Variants in CTNNA3 observed in about 807,000 individuals in gnomAD.
The protein encoded by CTNNA3 is catenin alpha-3.
CTNNA3 carries 76 observed loss-of-function variants against 95.7 expected under a neutral mutation model. The observed-to-expected ratio is 0.79, with a 90% CI of 0.66 to 0.96. The LOEUF (loss-of-function observed/expected upper bound fraction) is 0.96, where lower values mean the gene tolerates loss of function less well. Among genes scored for constraint, CTNNA3 ranks in the 40% least tolerant of loss-of-function variants. The pLI is 0.00. For missense variants in CTNNA3, 1,191 were observed against 1,089.8 expected, an observed-to-expected ratio of 1.09 and a Z score of -1.31; for synonymous variants, 431 against 374.4, an observed-to-expected ratio of 1.15 and a Z score of -1.74.
At chr10:66,455,841 A>G (rs1035493138) in intron 11 of CTNNA3, among the ~76,000 whole-genome samples, 4 of 152,158 alleles carry the variant, frequency 2.6e-5, no homozygotes, top group East Asian at 1.9e-4. Context: ...CTAAGCCCCA[A>G]TTTTGGGGCT....
intron 9 of CTNNA3, among the ~76,000 whole-genome samples, chr10:66,762,469 G>A (rs1589226243): frequency 6.6e-6 from 1 of 151,954 alleles, no homozygotes; most frequent in Admixed American, 6.6e-5. Flanking sequence ...AGATTCTCCA[G>A]TTACTGGCAC....
chr10:67,555,729 A>C (rs934082986), intron 3 of CTNNA3, among the ~76,000 whole-genome samples: 11 of 152,118 alleles, frequency 7.2e-5, no homozygotes, highest in Non-Finnish European at 1.5e-5. Flanking sequence ...CTCTTTTCCT[A>C]ATTGAATACC....
chr10:67,066,969 CTTAA>C (rs1263902566), intron 7 of CTNNA3, among the ~76,000 whole-genome samples: 3 of 152,130 alleles, frequency 2.0e-5, no homozygotes, highest in African/African-American at 7.2e-5. Flanking sequence ...AATCCTGTCT[CTTAA>C]TTTAACAGAG....
chr10:66,651,682 G>A (rs191908985), intron 9 of CTNNA3, among the ~76,000 whole-genome samples: 5,285 of 152,216 alleles, frequency 0.035, 144 homozygotes, highest in Non-Finnish European at 0.054. Context: ...GGGACCCAGC[G>A]CACCCTCTGC....
intron 7 of CTNNA3, among the ~76,000 whole-genome samples, chr10:66,822,075 T>C (rs1329282444): frequency 6.7e-6 from 1 of 148,542 alleles, no homozygotes; most frequent in Non-Finnish European, 1.5e-5. Context: ...TTATGTTATA[T>C]AAAATTACAT....
rs373931608 is a variant in CTNNA3, at chr10:67,425,988, T to C, written c.579+95854A>G. The stretch of plus-strand genomic sequence containing the variant: ...GAGAACTAGGGTCACCCTCTGTTTA[T>C]TGCATAGCCCTATGGGGTGTCACAG... On this transcript the variant is annotated intron_variant, in intron 5 of 17. Coordinates refer to ENST00000433211, the MANE Select transcript of CTNNA3 (RefSeq NM_013266.4). Among the ~76,000 whole-genome samples, 18 of 152,230 alleles carry C rather than the reference T, an allele frequency of 1.2e-4. No individual in the cohort carries two copies. In the South Asian group the frequency reaches 3.5e-3, roughly 30 times the overall value.
At chr10:67,223,252 A>G (rs895418159) in intron 5 of CTNNA3, among the ~76,000 whole-genome samples, 2 of 152,254 alleles carry the variant, frequency 1.3e-5, no homozygotes, top group Admixed American at 1.3e-4. Context: ...CAGATAAAAG[A>G]GAAATTAATG....
chr10:66,198,722 A>C (rs1373539588), intron 13 of CTNNA3, among the ~76,000 whole-genome samples: 2 of 152,158 alleles, frequency 1.3e-5, no homozygotes, highest in Non-Finnish European at 2.9e-5. Context: ...TCCTCAGCCA[A>C]ATAAAAATTA....
At chr10:67,548,103 T>C (rs1840902092) in intron 3 of CTNNA3, among the ~76,000 whole-genome samples, 1 of 152,270 alleles carries the variant, frequency 6.6e-6, no homozygotes, top group East Asian at 1.9e-4. Flanking sequence ...CCCTTATGAA[T>C]GTCTTGGTGC....
At chr10:66,810,157 G>A (rs1282103682) in intron 7 of CTNNA3, among the ~76,000 whole-genome samples, 1 of 152,074 alleles carries the variant, frequency 6.6e-6, no homozygotes, top group Non-Finnish European at 1.5e-5. Context: ...TTCTCTTTTA[G>A]TATAATGAAT....
At chr10:67,272,234 G>C (rs573263950) in intron 5 of CTNNA3, among the ~76,000 whole-genome samples, 1 of 152,208 alleles carries the variant, frequency 6.6e-6, no homozygotes, top group South Asian at 2.1e-4. Context: ...CTTATTTCAA[G>C]ACTGGTAGCA....
chr10:66,872,752 T>C (rs951196223), intron 7 of CTNNA3, among the ~76,000 whole-genome samples: 14 of 152,042 alleles, frequency 9.2e-5, no homozygotes, highest in Non-Finnish European at 1.9e-4. Context: ...CATGGGTAGA[T>C]TGTGTGATGC....
chr10:66,932,771 A>G (rs955504415), intron 7 of CTNNA3, among the ~76,000 whole-genome samples: 2 of 152,178 alleles, frequency 1.3e-5, no homozygotes, highest in African/African-American at 4.8e-5. Context: ...ATTGGACCCA[A>G]ATTCTTTTAG....
At chr10:66,328,932 A>ATATATATATATATATATATTTATATC (rs2092291241) in intron 12 of CTNNA3, among the ~76,000 whole-genome samples, 1 of 133,062 alleles carries the variant, frequency 7.5e-6, no homozygotes, top group Non-Finnish European at 1.6e-5. Context: ...ATATATATAT[A>ATATATATATATATATATATTTATATC]TACACACACA....
intron 15 of CTNNA3, among the ~76,000 whole-genome samples, chr10:66,016,907 G>A (rs1417868194): frequency 6.6e-6 from 1 of 152,038 alleles, no homozygotes; most frequent in East Asian, 1.9e-4. Flanking sequence ...TTCAAATTCT[G>A]CATTAGTATA....
chr10:66,128,546 T>C (rs2082933856), intron 13 of CTNNA3, among the ~76,000 whole-genome samples: 1 of 151,536 alleles, frequency 6.6e-6, no homozygotes, highest in Non-Finnish European at 1.5e-5. Flanking sequence ...AAAAAGCCAG[T>C]CGGAAAAGGC....
At chr10:66,788,249 T>C (rs1367429009) in intron 7 of CTNNA3, among the ~76,000 whole-genome samples, 1 of 152,096 alleles carries the variant, frequency 6.6e-6, no homozygotes, top group Non-Finnish European at 1.5e-5. Flanking sequence ...GGGTGCAAAC[T>C]GACATACCCA....
At chr10:65,962,328 T>C (rs1026239578) in intron 17 of CTNNA3, among the ~76,000 whole-genome samples, 3 of 152,084 alleles carry the variant, frequency 2.0e-5, no homozygotes, top group African/African-American at 7.2e-5. Flanking sequence ...TAACATGGTC[T>C]TCCTTCTATA....
At chr10:67,472,677 T>A (rs987678087) in intron 5 of CTNNA3, among the ~76,000 whole-genome samples, 30 of 152,276 alleles carry the variant, frequency 2.0e-4, no homozygotes, top group African/African-American at 5.5e-4. Flanking sequence ...ACCACAATTA[T>A]AACCAATGAC....
Sources: gnomAD v4.1 joint callset for allele counts (sites outside exome capture counted in the v4.1 genomes callset) on GRCh38, gnomAD v4.1.1 for gene constraint, MANE v1.5 for transcripts, NCBI Gene and HGNC (gene_info 2026-07-23, HGNC 2026-07-21) for gene names.